Variants in DNAJC8 observed in about 807,000 individuals in gnomAD.
The protein encoded by DNAJC8 is DnaJ heat shock protein family (Hsp40) member C8, also known as dnaJ homolog subfamily C member 8.
In DNAJC8, 24 loss-of-function variants were observed where a neutral mutation model predicts 43.2. That is an observed-to-expected ratio of 0.56 (90% CI 0.40 to 0.78). The LOEUF is 0.78. DNAJC8 is among the 30% of genes least tolerant of loss of function. The pLI is 0.00. For synonymous variants in DNAJC8, 83 were observed against 98.0 expected (o/e 0.85, Z 0.90); for missense variants, 207 against 299.4 (o/e 0.69, Z 2.28).
intron 3 of DNAJC8, among the ~76,000 whole-genome samples, chr1:28,211,455 C>T (rs1646810094): frequency 6.6e-6 from 1 of 152,184 alleles, no homozygotes; most frequent in Admixed American, 6.5e-5. Context: ...ATCTGAAATA[C>T]TTCTAGTCTC....
chr1:28,222,256 C>T (rs1227529525), intron 2 of DNAJC8, among the ~76,000 whole-genome samples: 6 of 151,932 alleles, frequency 3.9e-5, no homozygotes, highest in Non-Finnish European at 7.4e-5. Flanking sequence ...GAGGCTGAGG[C>T]GGGTGGATCA....
intron 2 of DNAJC8, among the ~76,000 whole-genome samples, chr1:28,218,084 G>A (rs1342915075): frequency 2.0e-5 from 3 of 149,450 alleles, no homozygotes; most frequent in East Asian, 1.9e-4. Context: ...AAGGTCGGAT[G>A]GTTTCTATTC....
At chr1:28,201,468 C>G (rs2149013536) in intron 8 of DNAJC8, 98 bp from the exon 9 acceptor site, 1 of 1,549,448 alleles carries the variant, frequency 6.5e-7, no homozygotes, top group Non-Finnish European at 8.7e-7. Flanking sequence ...GCCCAGCCCA[C>G]TTCAGTCCTC....
intron 2 of DNAJC8, among the ~76,000 whole-genome samples, chr1:28,222,821 A>G (rs1467950503): frequency 6.6e-6 from 1 of 152,072 alleles, no homozygotes; most frequent in Non-Finnish European, 1.5e-5. Flanking sequence ...ATGGTGTACA[A>G]AGAAGTTCAG....
At chr1:28,210,759 G>A in intron 3 of DNAJC8, 122 bp from the exon 4 acceptor site, 1 of 638,006 alleles carries the variant, frequency 1.6e-6, no homozygotes, top group Non-Finnish European at 2.7e-6. Context: ...CTTAGCAAAA[G>A]CATTTAAAAA....
chr1:28,212,526 C>G (rs1646822309), intron 3 of DNAJC8, among the ~76,000 whole-genome samples: 1 of 151,596 alleles, frequency 6.6e-6, no homozygotes, highest in Non-Finnish European at 1.5e-5. Context: ...AAGCAATCTG[C>G]CCGACTCAAT....
rs3738163 is a variant in DNAJC8, at chr1:28,208,460, G to C, written c.400-47C>G. The C allele has an allele frequency of 7.8e-3, 10,925 of 1,394,270 alleles. 875 individuals are homozygous for C. The East Asian group carries it at 0.2, about 26-fold the overall frequency. 86.4% of individuals were successfully genotyped at this position (1,394,270 alleles called of 1,614,324 possible). A position where few individuals can be genotyped will look rare whatever the true frequency, so the allele number is the denominator to read the frequency against. On this transcript the variant is annotated intron_variant, in intron 5 of 8. Coordinates refer to ENST00000263697, the MANE Select transcript of DNAJC8 (RefSeq NM_014280.3). ...CAAAAGACGAGCATCTGTGCTTTGA[G>C]AATATCCACTGGGCTGTACACATAC...
intron 8 of DNAJC8, among the ~76,000 whole-genome samples, chr1:28,202,850 G>A (rs1256815002): frequency 1.3e-5 from 2 of 152,150 alleles, no homozygotes; most frequent in African/African-American, 4.8e-5. Context: ...CCAAAGTGCT[G>A]GGATTACAGG....
Position 28,210,558 on chromosome 1 carries a change from A to C in DNAJC8, c.304+13T>G. ...ACAATCTAATACTCAGAAGCAGGTAAATTTACAAATACCTTCAAAAGCCTT... is the reference window on the plus strand; with the variant it reads ...ACAATCTAATACTCAGAAGCAGGTACATTTACAAATACCTTCAAAAGCCTT... On this transcript the variant is annotated intron_variant, in intron 4 of 8. Coordinates refer to ENST00000263697, the MANE Select transcript of DNAJC8 (RefSeq NM_014280.3). 6.2e-7 allele frequency: 1 copy of C among 1,612,454 alleles called. No homozygotes were observed. Among genetic ancestry groups the C allele is most frequent in the Non-Finnish European group, 8.5e-7 (1 of 1,178,636 alleles).
intron 8 of DNAJC8, 85 bp from the exon 9 acceptor site, chr1:28,201,455 G>A (rs1333529851): frequency 1.0e-5 from 16 of 1,585,702 alleles, no homozygotes; most frequent in South Asian, 7.9e-5. Flanking sequence ...TCACCCTCCT[G>A]TAGCCCAGCC....
intron 7 of DNAJC8, among the ~76,000 whole-genome samples, chr1:28,204,409 C>T (rs903426808): frequency 2.6e-5 from 4 of 151,322 alleles, no homozygotes; most frequent in South Asian, 4.2e-4. Flanking sequence ...GGTGAAACCC[C>T]GTCTCTACTA....
chr1:28,220,470 G>C (rs954567025), intron 2 of DNAJC8, among the ~76,000 whole-genome samples: 3 of 152,174 alleles, frequency 2.0e-5, no homozygotes, highest in African/African-American at 7.2e-5. Flanking sequence ...GAAAAGAAAT[G>C]TATTTCTTAT....
In DNAJC8 at chr1:28,201,159, T is replaced by A. The variant is rs912945523; in HGVS notation, c.*89A>T. 5 of 1,570,642 alleles carry A rather than the reference T, an allele frequency of 3.2e-6. No homozygotes were observed. The African/African-American group carries it at 6.8e-5, about 21-fold the overall frequency. ...ACTAAAAAGCAAATACTACTCTATG[T>A]TGGGGTGGAAGTGGGAGGAAAGAAT... On this transcript the variant is annotated 3_prime_UTR_variant, in exon 9 of 9. Coordinates refer to ENST00000263697, the MANE Select transcript of DNAJC8 (RefSeq NM_014280.3).
At chr1:28,205,455 G>A (rs1646762371) in intron 6 of DNAJC8, 106 bp from the exon 7 acceptor site, 2 of 790,424 alleles carry the variant, frequency 2.5e-6, no homozygotes, top group Non-Finnish European at 4.1e-6. Flanking sequence ...TTAAAACCTG[G>A]CACAGGCTGT....
intron 5 of DNAJC8, among the ~76,000 whole-genome samples, chr1:28,209,519 T>C (rs1210581563): frequency 1.3e-5 from 2 of 152,208 alleles, no homozygotes; most frequent in African/African-American, 4.8e-5. Context: ...AACTCTGTTA[T>C]TAAGATGGAC....
At chr1:28,223,241 T>C (rs943334286) in intron 2 of DNAJC8, among the ~76,000 whole-genome samples, 6 of 151,948 alleles carry the variant, frequency 3.9e-5, no homozygotes, top group Non-Finnish European at 7.4e-5. Flanking sequence ...AAGGTGTTCA[T>C]GGAAGAAGGT....
intron 2 of DNAJC8, among the ~76,000 whole-genome samples, chr1:28,218,659 G>A (rs77454850): frequency 4.0e-5 from 6 of 151,700 alleles, no homozygotes; most frequent in East Asian, 2.0e-4. Context: ...TAATCCCAGT[G>A]ATTTGGGAGG....
chr1:28,212,471 G>A (rs1004031642), intron 3 of DNAJC8, among the ~76,000 whole-genome samples: 2 of 150,362 alleles, frequency 1.3e-5, no homozygotes, highest in Non-Finnish European at 3.0e-5. Flanking sequence ...TTGTAGAGAC[G>A]GGGTTTCACC....
chr1:28,224,666 T>C (rs1259624078), intron 2 of DNAJC8, among the ~76,000 whole-genome samples: 2 of 151,964 alleles, frequency 1.3e-5, no homozygotes, highest in Non-Finnish European at 2.9e-5. Context: ...GGGCGGATCA[T>C]GAGGTCAGGA....
Sources: gnomAD v4.1 joint callset for allele counts (sites outside exome capture counted in the v4.1 genomes callset) on GRCh38, gnomAD v4.1.1 for gene constraint, MANE v1.5 for transcripts, NCBI Gene and HGNC (gene_info 2026-07-23, HGNC 2026-07-21) for gene names.